The following PAK3 variants were observed in gnomAD, a reference collection of about 807,000 sequenced individuals.
PAK3 encodes the protein p21 (RAC1) activated kinase 3, also known as serine/threonine-protein kinase PAK 3.
PAK3 carries 4 observed loss-of-function variants against 41.0 expected under a neutral mutation model. The ratio of observed to expected loss-of-function variants is 0.10; its 90% CI spans 0.05 to 0.22. The LOEUF is 0.22. Ranked by LOEUF, PAK3 falls within the 10% of genes least tolerant of loss-of-function variation. The probability of loss-of-function intolerance (pLI) is 1.00; values close to 1 mark genes in which losing one functional copy is unlikely to be tolerated. For missense variants in PAK3, 205 were observed against 409.9 expected (o/e 0.50, Z 4.32); for synonymous variants, 146 against 139.6 (o/e 1.05, Z -0.32).
intron 5 of PAK3, among the ~76,000 whole-genome samples, chrX:111,137,295 C>T (rs1166206466): frequency 9.0e-6 from 1 of 111,522 alleles, no homozygotes; most frequent in Non-Finnish European, 1.9e-5. Context: ...GCAGCCTCCA[C>T]CAGTCTTATC....
At chrX:111,052,374 G>T (rs942147029) in intron 1 of PAK3, among the ~76,000 whole-genome samples, 4 of 112,415 alleles carry the variant, frequency 3.6e-5, no homozygotes, top group African/African-American at 1.3e-4. Context: ...AAATAACTGA[G>T]TTTTTGTCAT....
chrX:111,163,443 C>CT (rs1295467485), intron 9 of PAK3, 119 bp from the exon 10 acceptor site: 7,807 of 411,745 alleles, frequency 0.019, 30 homozygotes, highest in African/African-American at 0.048. Context: ...ACTCAAAGTC[C>CT]TTTTTTTTTT....
At chrX:111,178,980 T>TATATATAGAGAGAGAGAGAG (rs1211051270) in intron 11 of PAK3, among the ~76,000 whole-genome samples, 11 of 91,598 alleles carry the variant, frequency 1.2e-4, no homozygotes, top group South Asian at 5.9e-4. Context: ...TATATATATA[T>TATATATAGAGAGAGAGAGAG]AGAGAGAGAG....
At chrX:111,212,084 G>A (rs1238022651) in intron 16 of PAK3, among the ~76,000 whole-genome samples, 11 of 111,715 alleles carry the variant, frequency 9.8e-5, no homozygotes, top group Non-Finnish European at 2.1e-4. Context: ...TAATAAGGGT[G>A]TGGAGCGGGG....
At chrX:110,988,089 CTG>C (rs1159971935) in intron 1 of PAK3, among the ~76,000 whole-genome samples, 1 of 112,907 alleles carries the variant, frequency 8.9e-6, no homozygotes, top group Non-Finnish European at 1.9e-5. Context: ...CTGAGAATAA[CTG>C]TGATTCCTTA....
chrX:110,953,137 GT>G (rs199610562), intron 1 of PAK3, among the ~76,000 whole-genome samples: 2 of 111,775 alleles, frequency 1.8e-5, no homozygotes, highest in East Asian at 5.6e-4. Context: ...AGGTAACATT[GT>G]TTTTTTAACT....
At position 111,192,159 on chromosome X, in the gene PAK3, T is replaced by C; in HGVS notation, c.863T>C (p.Ile288Thr). Reference sequence around the variant, plus strand: ...GGTACTGTTTATACAGCACTAGACATTGCAACAGGACAAGAGGTAAGTGCT... The same window carrying C: ...GGTACTGTTTATACAGCACTAGACACTGCAACAGGACAAGAGGTAAGTGCT... ...ASGTVYTALD[I>T]ATGQEVAIKQ... The change falls in exon 12 of 18, where the codon ATT becomes ACT. Residue 288 changes from isoleucine to threonine, a missense_variant. Physicochemically the swap from Ile to Thr is moderately conservative, Grantham distance 89. Coordinates refer to ENST00000372007, the MANE Select transcript of PAK3 (RefSeq NM_002578.5). 1 of 1,118,558 alleles carries C rather than the reference T, an allele frequency of 8.9e-7. No individual in the cohort carries two copies. Among genetic ancestry groups the C allele is most frequent in the Non-Finnish European group, 1.2e-6 (1 of 811,447 alleles). The allele number at this position is 1,118,558 out of a possible 1,213,427, so 92.2% of individuals were successfully genotyped here.
chrX:111,196,750 T>A, intron 16 of PAK3, 110 bp downstream of exon 16: 1 of 513,265 alleles, frequency 1.9e-6, no homozygotes, highest in Admixed American at 3.0e-5. Context: ...CTGAGACCAG[T>A]AACATAGAAG....
At chrX:111,098,261 C>T (rs144642053) in intron 3 of PAK3, among the ~76,000 whole-genome samples, 1,158 of 107,657 alleles carry the variant, frequency 0.011, 10 homozygotes, top group African/African-American at 0.027. Flanking sequence ...AAGGTGCTGA[C>T]ATCCGAGAGT....
Position 111,035,098 on chromosome X carries a change from C to G in PAK3, c.-27-87979C>G, listed in dbSNP as rs767034133. ...TCCAGCCTAGGTGACAGAGTGAGAC[C>G]CTGTCTCAAAAAAAAAAAAAAAAAA... is the stretch of plus-strand genomic sequence containing the variant. On this transcript the variant is annotated intron_variant, in intron 1 of 14. Transcript: ENST00000425146. 8.9e-5 allele frequency among the ~76,000 whole-genome samples: 4 copies of G among 44,988 alleles called. No individual in the cohort carries two copies. In the South Asian group the frequency reaches 0.013, roughly 144 times the overall value. The allele number at this position is 44,988 out of a possible 115,157, so 39.1% of individuals were successfully genotyped here. A position where few individuals can be genotyped will look rare whatever the true frequency, so the allele number is the denominator to read the frequency against.
chrX:110,977,240 A>G (rs1338026135), intron 1 of PAK3, among the ~76,000 whole-genome samples: 2 of 110,193 alleles, frequency 1.8e-5, no homozygotes, highest in African/African-American at 6.6e-5. Context: ...TATATGTATA[A>G]GATATATATA....
chrX:111,055,921 T>C (rs186470627), intron 1 of PAK3, among the ~76,000 whole-genome samples: 88 of 111,639 alleles, frequency 7.9e-4, no homozygotes, highest in Admixed American at 3.1e-3. Context: ...TGCCTCACAT[T>C]CATCTCCTCC....
intron 1 of PAK3, among the ~76,000 whole-genome samples, chrX:111,039,994 CAAAAAA>C (rs141289134): frequency 5.9e-4 from 29 of 49,277 alleles, no homozygotes; most frequent in African/African-American, 1.9e-3. Flanking sequence ...GTAGATGGAG[CAAAAAA>C]AAAAAAAAAA....
chrX:111,200,118 T>C (rs2094664044), intron 16 of PAK3, among the ~76,000 whole-genome samples: 1 of 110,972 alleles, frequency 9.0e-6, no homozygotes, highest in Non-Finnish European at 1.9e-5. Context: ...TAAAATTGAA[T>C]TGTACCCTTG....
At chrX:111,046,106 A>G (rs1043954352) in intron 1 of PAK3, among the ~76,000 whole-genome samples, 3 of 111,603 alleles carry the variant, frequency 2.7e-5, no homozygotes, top group Admixed American at 9.5e-5. Context: ...AGAAACTTGT[A>G]TGGGGGCTGA....
At chrX:111,015,401 A>G (rs750626525) in intron 1 of PAK3, among the ~76,000 whole-genome samples, 5 of 111,475 alleles carry the variant, frequency 4.5e-5, no homozygotes, top group East Asian at 5.7e-4. Context: ...ATATGCTGCT[A>G]TAAACATTGG....
At chrX:111,219,190 AAATAATAATAATAATAATAAT>A (rs3062744) in intron 17 of PAK3, among the ~76,000 whole-genome samples, 3 of 84,398 alleles carry the variant, frequency 3.6e-5, no homozygotes, top group African/African-American at 1.3e-4. Context: ...AGTCCATCTC[AAATAATAATAATAATAATAAT>A]AATAATAATA....
At chrX:111,072,332 T>G (rs974700048) in intron 1 of PAK3, among the ~76,000 whole-genome samples, 5 of 112,980 alleles carry the variant, frequency 4.4e-5, no homozygotes, top group African/African-American at 1.6e-4. Flanking sequence ...ACACCTTCAG[T>G]GGGACAGAAC....
At chrX:111,146,613 A>T in intron 6 of PAK3, 1 of 749,874 alleles carries the variant, frequency 1.3e-6, no homozygotes. Flanking sequence ...CTTCTTTGAG[A>T]TGTCATAGCA....
Sources: allele counts gnomAD v4.1 joint callset (sites outside exome capture counted in the v4.1 genomes callset), GRCh38; gene constraint gnomAD v4.1.1; transcripts MANE v1.5; gene names NCBI Gene and HGNC (gene_info 2026-07-23, HGNC 2026-07-21).